The following RGS21 variants were observed in gnomAD, a reference collection of about 807,000 sequenced individuals.
The protein encoded by RGS21 is regulator of G-protein signalling 21.
RGS21 carries 19 observed loss-of-function variants against 18.7 expected under a neutral mutation model. The observed-to-expected ratio is 1.01, with a 90% CI of 0.71 to 1.49. The LOEUF (loss-of-function observed/expected upper bound fraction) is 1.49. RGS21 is among the 40% of genes most tolerant of loss of function. The probability of loss-of-function intolerance (pLI) is 0.00; values close to 1 mark genes in which losing one functional copy is unlikely to be tolerated. For missense variants in RGS21, 194 were observed against 176.8 expected, an observed-to-expected ratio of 1.10 and a Z score of -0.55; for synonymous variants, 56 against 57.8, an observed-to-expected ratio of 0.97 and a Z score of 0.14.
At chr1:192,352,411 T>C (rs1310551333) in intron 4 of RGS21, among the ~76,000 whole-genome samples, 198 bp downstream of exon 4, 1 of 152,006 alleles carries the variant, frequency 6.6e-6, no homozygotes, top group East Asian at 1.9e-4. Flanking sequence ...TCAACACTTA[T>C]TATGGGCTAG....
At chr1:192,340,395 A>C (rs1658841535) in intron 1 of RGS21, among the ~76,000 whole-genome samples, 1 of 152,164 alleles carries the variant, frequency 6.6e-6, no homozygotes, top group Non-Finnish European at 1.5e-5. Flanking sequence ...TATCAGTAGC[A>C]AAGAGACTCA....
chr1:192,326,784 T>C (rs1182111717), intron 1 of RGS21, among the ~76,000 whole-genome samples: 1 of 152,216 alleles, frequency 6.6e-6, no homozygotes, highest in Non-Finnish European at 1.5e-5. Context: ...GTAGCATCTT[T>C]ATGTGCCTAT....
At chr1:192,325,719 A>C (rs1658560217) in intron 1 of RGS21, among the ~76,000 whole-genome samples, 1 of 151,942 alleles carries the variant, frequency 6.6e-6, no homozygotes, top group South Asian at 2.1e-4. Flanking sequence ...AGCACTTTTT[A>C]TATGCTTGTT....
At chr1:192,321,621 A>AATGCC (rs1435946283) in intron 1 of RGS21, among the ~76,000 whole-genome samples, 2 of 152,040 alleles carry the variant, frequency 1.3e-5, no homozygotes, top group Non-Finnish European at 2.9e-5. Context: ...ATTTTATTTT[A>AATGCC]ATGCCATTTT....
chr1:192,317,177 A>C (rs1658432656), intron 1 of RGS21, 72 bp downstream of exon 1: 1 of 151,972 alleles, frequency 6.6e-6, no homozygotes, highest in African/African-American at 2.4e-5. Flanking sequence ...TGACATTTAG[A>C]GATAAAAATG....
chr1:192,362,431 C>T (rs1215228224), intron 4 of RGS21, among the ~76,000 whole-genome samples: 4 of 152,138 alleles, frequency 2.6e-5, no homozygotes, highest in African/African-American at 7.2e-5. Flanking sequence ...AGAATTTACA[C>T]GCATATGTGC....
At chr1:192,354,985 T>A (rs931841175) in intron 4 of RGS21, among the ~76,000 whole-genome samples, 4 of 151,722 alleles carry the variant, frequency 2.6e-5, no homozygotes, top group Non-Finnish European at 5.9e-5. Context: ...GACTATATAT[T>A]GAACTTTCAG....
chr1:192,359,655 G>GTGTATATATATATATATA (rs1553241170), intron 4 of RGS21, among the ~76,000 whole-genome samples: 7 of 124,272 alleles, frequency 5.6e-5, no homozygotes, highest in African/African-American at 1.8e-4. Flanking sequence ...GTGTGTGTGT[G>GTGTATATATATATATATA]TATATATATA....
chr1:192,353,864 C>A (rs1287222694), intron 4 of RGS21, among the ~76,000 whole-genome samples: 1 of 151,516 alleles, frequency 6.6e-6, no homozygotes. Context: ...TGGCTGCTTT[C>A]CAAGTAATAA....
At chr1:192,361,080 G>A (rs901206983) in intron 4 of RGS21, among the ~76,000 whole-genome samples, 3 of 152,118 alleles carry the variant, frequency 2.0e-5, no homozygotes, top group Non-Finnish European at 2.9e-5. Flanking sequence ...GCCACCAAAA[G>A]AGGATAATAT....
At chr1:192,349,827 C>A (rs1659010901) in intron 3 of RGS21, among the ~76,000 whole-genome samples, 1 of 152,120 alleles carries the variant, frequency 6.6e-6, no homozygotes, top group Admixed American at 6.5e-5. Flanking sequence ...GTATCTTGAT[C>A]TCTAACTTCC....
chr1:192,342,916 A>G, intron 1 of RGS21, 61 bp from the exon 2 acceptor site: 1 of 929,946 alleles, frequency 1.1e-6, no homozygotes. Context: ...GCCAATTTGT[A>G]ACCCAGGGGA....
Position 192,366,023 on chromosome 1 carries a change from G to T in RGS21, c.358G>T (p.Ala120Ser). 2 of 1,609,778 alleles carry T rather than the reference G, an allele frequency of 1.2e-6. No homozygotes were observed. The highest frequency in any genetic ancestry group is 1.7e-6 in the Non-Finnish European group (2 of 1,176,604). Residue 120 changes from alanine (A) to serine (S), a missense_variant, in exon 5 of 5, where the codon GCC (alanine) becomes TCC (serine). Transcript: ENST00000417209. ...TCAGAAATTAATCTATTGTCTCATGGCCAAGGATTCTTTCCCTCGATTTCT... is the reference window on the plus strand; with the variant it reads ...TCAGAAATTAATCTATTGTCTCATGTCCAAGGATTCTTTCCCTCGATTTCT... ...EAQKLIYCLMAKDSFPRFLKS... is the reference protein window; with the variant it reads ...EAQKLIYCLMSKDSFPRFLKS...
chr1:192,362,600 C>A (rs969950226), intron 4 of RGS21, among the ~76,000 whole-genome samples: 4 of 152,068 alleles, frequency 2.6e-5, no homozygotes, highest in Admixed American at 6.6e-5. Flanking sequence ...GCTGAATTGC[C>A]AAGACACAGC....
intron 1 of RGS21, among the ~76,000 whole-genome samples, chr1:192,329,107 A>G (rs1337928369): frequency 1.3e-5 from 2 of 152,130 alleles, no homozygotes; most frequent in African/African-American, 4.8e-5. Flanking sequence ...GTTTTTCGAT[A>G]CAATAAATCA....
chr1:192,330,193 A>T (rs779848903), intron 1 of RGS21, among the ~76,000 whole-genome samples: 2 of 152,202 alleles, frequency 1.3e-5, no homozygotes, highest in Non-Finnish European at 2.9e-5. Flanking sequence ...GTGATAAAGC[A>T]TATAATAGGT....
chr1:192,340,607 A>G (rs1658843956), intron 1 of RGS21, among the ~76,000 whole-genome samples: 1 of 152,092 alleles, frequency 6.6e-6, no homozygotes, highest in African/African-American at 2.4e-5. Flanking sequence ...AACAATATAC[A>G]TTTATTATCT....
intron 1 of RGS21, among the ~76,000 whole-genome samples, chr1:192,318,570 TAA>T (rs1413741248): frequency 3.9e-4 from 59 of 152,256 alleles, no homozygotes; most frequent in African/African-American, 1.4e-3. Flanking sequence ...ATGTCGTATC[TAA>T]AGGAGAAATT....
At chr1:192,352,640 G>A (rs1472568747) in intron 4 of RGS21, among the ~76,000 whole-genome samples, 4 of 151,910 alleles carry the variant, frequency 2.6e-5, no homozygotes, top group African/African-American at 9.7e-5. Context: ...GTAATGTGTG[G>A]GGATTAATTT....
Sources: allele counts gnomAD v4.1 joint callset (sites outside exome capture counted in the v4.1 genomes callset), GRCh38; gene constraint gnomAD v4.1.1; transcripts MANE v1.5; gene names NCBI Gene and HGNC (gene_info 2026-07-23, HGNC 2026-07-21).